HOXB2: variants seen among roughly 807,000 people sequenced by gnomAD.
The protein encoded by HOXB2 is homeobox B2.
A neutral mutation model predicts 13.1 loss-of-function variants in HOXB2; 14 were observed. The ratio of observed to expected loss-of-function variants is 1.07; its 90% CI spans 0.71 to 1.67. HOXB2 has a LOEUF of 1.67. Among genes scored for constraint, HOXB2 ranks in the 40% most tolerant of loss-of-function variants. The probability of loss-of-function intolerance (pLI) is 0.00; values close to 1 mark genes in which losing one functional copy is unlikely to be tolerated. For missense variants in HOXB2, 582 were observed against 488.3 expected, an observed-to-expected ratio of 1.19 and a Z score of -1.81; for synonymous variants, 261 against 233.1, an observed-to-expected ratio of 1.12 and a Z score of -1.09.
rs1555633388 is a variant in HOXB2 at position 48,544,973 on chromosome 17, A to AT, written c.-63_-62insA. On this transcript the variant is annotated 5_prime_UTR_variant, in exon 1 of 2. Coordinates refer to ENST00000330070, the MANE Select transcript of HOXB2 (RefSeq NM_002145.4). ...GCGTCAGGAGGGAGGATCGGAAGGG[A>AT]CCCCCCTCCTGCACCCCCCCCGATT... The AT allele has an allele frequency of 4.7e-6, 5 of 1,054,436 alleles. No individual in the cohort carries two copies. The highest frequency in any genetic ancestry group is 3.2e-4 in the Middle Eastern group (1 of 3,098). The allele number at this position is 1,054,436 out of a possible 1,614,324, so 65.3% of individuals were successfully genotyped here.
chr17:48,544,505 C>T lies in HOXB2; in HGVS notation c.391+16G>A. The T allele has an allele frequency of 1.3e-6, 2 of 1,591,538 alleles. No homozygotes were observed. Among genetic ancestry groups the T allele is most frequent in the Non-Finnish European group, 1.7e-6 (2 of 1,175,588 alleles). ...TTCTAGCTGCCCCTCACCCCACCCC[C>T]ACCACGCTTACCGACCTGCAGGCGA... On this transcript the variant is annotated intron_variant, in intron 1 of 1. Coordinates refer to ENST00000330070, the MANE Select transcript of HOXB2 (RefSeq NM_002145.4).
intron 1 of HOXB2, chr17:48,544,079 G>C: frequency 1.0e-6 from 1 of 985,254 alleles, no homozygotes; most frequent in Non-Finnish European, 1.2e-6. Flanking sequence ...AACTCAACCG[G>C]AGCGAGGGTC....
At position 48,544,795 on chromosome 17, in the gene HOXB2, C is replaced by T. The variant is rs2068551527; in HGVS notation, c.117G>A (p.Glu39=). Residue 39 remains glutamate (E), a synonymous_variant, in exon 1 of 2, where the codon GAG becomes GAA. Transcript: ENST00000330070. Reference sequence around the variant, plus strand: ...GAGGAGGAGGAGGAATTAATGTCGACTCCTTGATTGATGAAGTTTGAAATG... The same window carrying T: ...GAGGAGGAGGAGGAATTAATGTCGATTCCTTGATTGATGAAGTTTGAAATG... ...LETFQTSSIK[E]STLIPPPPPF... 6.2e-7 allele frequency: 1 copy of T among 1,614,010 alleles called. No homozygotes were observed. Among genetic ancestry groups the T allele is most frequent in the Non-Finnish European group, 8.5e-7 (1 of 1,180,036 alleles).
rs1181748064 is a variant in HOXB2 at position 48,544,666 on chromosome 17, C to A, written c.246G>T (p.Pro82=). The A allele has an allele frequency of 6.2e-7, 1 of 1,610,722 alleles. No homozygotes were observed. The highest frequency in any genetic ancestry group is 2.2e-5 in the East Asian group (1 of 44,794). Reference sequence around the variant, plus strand: ...GGGGGGCAGCGGGGAGTGGCGGCGGCGGTGGCGGCGGCAGAGCAGGCCCAT... The same window carrying A: ...GGGGGGCAGCGGGGAGTGGCGGCGGAGGTGGCGGCGGCAGAGCAGGCCCAT... ...AEDGPALPPP[P]PPPLPAAPPA... The change falls in exon 1 of 2, where the codon CCG becomes CCT. Residue 82 remains proline (P), a synonymous_variant. Coordinates refer to ENST00000330070, the MANE Select transcript of HOXB2 (RefSeq NM_002145.4).
In HOXB2 at chr17:48,543,109, A is replaced by G. The variant is rs752542417; in HGVS notation, c.1030T>C (p.Phe344Leu). Residue 344 changes from phenylalanine to leucine, a missense_variant, in exon 2 of 2, where the codon TTC becomes CTC. Coordinates refer to ENST00000330070, the MANE Select transcript of HOXB2 (RefSeq NM_002145.4). ...VPFSEEELDF[F>L]TSTLCAIDLQ... The stretch of plus-strand genomic sequence containing the variant: ...TCGATGGCACAGAGCGTACTGGTGA[A>G]AAAATCCAGCTCTTCCTCGGAAAAA... 2.8e-5 allele frequency: 45 copies of G among 1,612,782 alleles called. No homozygotes were observed. In the South Asian group the frequency reaches 4.9e-4, roughly 18 times the overall value.
At position 48,544,511 on chromosome 17, in the gene HOXB2, GC is replaced by G; in HGVS notation, c.391+9del. ...CTGCCCCTCACCCCACCCCCACCAC[GC>G]TTACCGACCTGCAGGCGATCCGACC... On this transcript the variant is annotated intron_variant, in intron 1 of 1. Coordinates refer to ENST00000330070, the MANE Select transcript of HOXB2 (RefSeq NM_002145.4). The G allele has an allele frequency of 6.3e-7, 1 of 1,595,336 alleles. No individual in the cohort carries two copies. Among genetic ancestry groups the G allele is most frequent in the African/African-American group, 1.3e-5 (1 of 74,776 alleles).
chr17:48,543,584 C>A lies in HOXB2; in HGVS notation c.555G>T (p.Arg185Ser). Residue 185 changes from arginine (R) to serine (S), a missense_variant, in exon 2 of 2, where the codon AGG (arginine) becomes AGT (serine). Transcript: ENST00000330070. The part of the protein sequence containing the change: ...EIAALLDLTE[R>S]QVKVWFQNRR... Reference sequence around the variant, plus strand: ...GGTTCTGAAACCAGACTTTGACCTGCCTTTCGGTGAGGTCCAGCAAGGCCG... The same window carrying A: ...GGTTCTGAAACCAGACTTTGACCTGACTTTCGGTGAGGTCCAGCAAGGCCG... 1 of 1,613,500 alleles carries A rather than the reference C, an allele frequency of 6.2e-7. No individual in the cohort carries two copies. The highest frequency in any genetic ancestry group is 8.5e-7 in the Non-Finnish European group (1 of 1,179,998).
In HOXB2 at chr17:48,544,741, C is replaced by G. The variant is rs1433651242; in HGVS notation, c.171G>C (p.Gln57His). The change falls in exon 1 of 2, where the codon CAG becomes CAC. Residue 57 changes from glutamine (Q) to histidine (H), a missense_variant. Transcript: ENST00000330070. ...PPFEQTFPSL[Q>H]PGASTLQRPR... ...GTCTCTGAAGGGTGGAGGCGCCGGG[C>G]TGGAGGCTGGGGAAGGTTTGCTCGA... 3.1e-6 allele frequency: 5 copies of G among 1,614,036 alleles called. No individual in the cohort carries two copies. The highest frequency in any genetic ancestry group is 4.2e-6 in the Non-Finnish European group (5 of 1,179,992).
rs1322198126 is a variant in HOXB2, at chr17:48,544,880, A to G, written c.32T>C (p.Phe11Ser). The stretch of plus-strand genomic sequence containing the variant: ...GGCGAGCGACGGCTGGCTGTTTATA[A>G]ACCCAATCTCCCTCTCAAATTCAAA... Reference protein sequence around the residue: MNFEFEREIGFINSQPSLAEC... With the variant: MNFEFEREIGSINSQPSLAEC... The change falls in exon 1 of 2, where the codon TTT becomes TCT. Residue 11 changes from phenylalanine (F) to serine (S), a missense_variant. Coordinates refer to ENST00000330070, the MANE Select transcript of HOXB2 (RefSeq NM_002145.4). 6.3e-7 allele frequency: 1 copy of G among 1,579,826 alleles called. No homozygotes were observed. The highest frequency in any genetic ancestry group is 8.6e-7 in the Non-Finnish European group (1 of 1,162,296).
chr17:48,543,149 G>A lies in HOXB2; in HGVS notation c.990C>T (p.Leu330=). The change falls in exon 2 of 2, where the codon CTC becomes CTT. Residue 330 remains leucine (L), a synonymous_variant. Transcript: ENST00000330070. The part of the protein sequence containing the change: ...GGLSPSLQGS[L]DSPVPFSEEE... The stretch of plus-strand genomic sequence containing the variant: ...CCTCGGAAAAAGGGACCGGGCTGTC[G>A]AGAGAACCCTGTAGGCTAGGGGAGA... The A allele has an allele frequency of 1.2e-6, 2 of 1,613,728 alleles. No homozygotes were observed. The highest frequency in any genetic ancestry group is 1.7e-6 in the Non-Finnish European group (2 of 1,179,920).
Position 48,543,336 on chromosome 17 carries a change from T to A in HOXB2, c.803A>T (p.Glu268Val). The A allele has an allele frequency of 1.3e-6, 2 of 1,599,022 alleles. No homozygotes were observed. The highest frequency in any genetic ancestry group is 1.7e-6 in the Non-Finnish European group (2 of 1,176,728). ...ADPRPLAVRL[E>V]GAGASSPGCA... The stretch of plus-strand genomic sequence containing the variant: ...GCCGGGACTCGACGCGCCTGCGCCC[T>A]CTAAGCGAACGGCTAAAGGCCGGGG... The change falls in exon 2 of 2, where the codon GAG becomes GTG. Residue 268 changes from glutamate (E) to valine (V), a missense_variant. Glu to Val is a moderately radical substitution (Grantham distance 121, BLOSUM62 -2). Coordinates refer to ENST00000330070, the MANE Select transcript of HOXB2 (RefSeq NM_002145.4).
Position 48,544,695 on chromosome 17 carries a change from C to T in HOXB2, c.217G>A (p.Glu73Lys), listed in dbSNP as rs552393707. ...LQRPRSQKRA[E>K]DGPALPPPPP... The stretch of plus-strand genomic sequence containing the variant: ...GGCGGCGGCAGAGCAGGCCCATCTT[C>T]GGCTCGCTTTTGGCTCCTGGGTCTC... Residue 73 changes from glutamate to lysine, a missense_variant, in exon 1 of 2, where the codon GAA becomes AAA. Physicochemically the swap from Glu to Lys is moderately conservative, Grantham distance 56 (BLOSUM62 1). Transcript: ENST00000330070. The T allele has an allele frequency of 2.5e-6, 4 of 1,613,666 alleles. No individual in the cohort carries two copies. Among genetic ancestry groups the T allele is most frequent in the Admixed American group, 1.7e-5 (1 of 60,016 alleles).
Position 48,543,301 on chromosome 17 carries a change from G to C in HOXB2, c.838C>G (p.Arg280Gly). 1 of 1,602,390 alleles carries C rather than the reference G, an allele frequency of 6.2e-7. No individual in the cohort carries two copies. Among genetic ancestry groups the C allele is most frequent in the African/African-American group, 1.3e-5 (1 of 74,592 alleles). ...CCGGGCTCCAGCCCGCCGGCCCCGC[G>C]CAGCGCGCAGCCGGGACTCGACGCG... ...AGASSPGCAL[R>G]GAGGLEPGPL... The change falls in exon 2 of 2, where the codon CGC (arginine) becomes GGC (glycine). Residue 280 changes from arginine (R) to glycine (G), a missense_variant. By Grantham distance (125) the Arg-to-Gly change is moderately radical. Coordinates refer to ENST00000330070, the MANE Select transcript of HOXB2 (RefSeq NM_002145.4).
rs1404981525 is a variant in HOXB2, at chr17:48,545,092, C to T, written c.-181G>A. The T allele has an allele frequency of 3.8e-6, 2 of 532,406 alleles. No individual in the cohort carries two copies. The highest frequency in any genetic ancestry group is 6.5e-6 in the Non-Finnish European group (2 of 309,086). The allele number at this position is 532,406 out of a possible 1,614,324, so 33.0% of individuals were successfully genotyped here. ...ATTGTATATTGCTGATAAATACAAGCGTATGGGGACTCTCTCTATTAAACC... is the reference window on the plus strand; with the variant it reads ...ATTGTATATTGCTGATAAATACAAGTGTATGGGGACTCTCTCTATTAAACC... On this transcript the variant is annotated 5_prime_UTR_variant, in exon 1 of 2. Transcript: ENST00000330070.
At position 48,544,682 on chromosome 17, in the gene HOXB2, GCAGGCC is replaced by G; in HGVS notation, c.224_229del (p.Gly75_Pro76del). 6.2e-7 allele frequency: 1 copy of G among 1,613,278 alleles called. No individual in the cohort carries two copies. Among genetic ancestry groups the G allele is most frequent in the Non-Finnish European group, 8.5e-7 (1 of 1,179,782 alleles). On this transcript the variant is annotated inframe_deletion, in exon 1 of 2. Transcript: ENST00000330070. ...TGGCGGCGGCGGTGGCGGCGGCAGA[GCAGGCC>G]CATCTTCGGCTCGCTTTTGGCTCCT...
rs1393996874 is a variant in HOXB2 at position 48,544,327 on chromosome 17, G to C, written c.391+194C>G. On this transcript the variant is annotated intron_variant, in intron 1 of 1. Transcript: ENST00000330070. ...AGCCATAGGGAGAGAAAGAGAGAGA[G>C]AGACAGAAAAAAAAAAAGACGCTGT... is the stretch of plus-strand genomic sequence containing the variant. 6 of 1,344,200 alleles carry C rather than the reference G, an allele frequency of 4.5e-6. No homozygotes were observed. In the East Asian group the frequency reaches 1.2e-4, roughly 26 times the overall value. 83.3% of individuals were successfully genotyped at this position (1,344,200 alleles called of 1,614,324 possible). A position where few individuals can be genotyped will look rare whatever the true frequency, so the allele number is the denominator to read the frequency against.
chr17:48,544,935 G>T lies in HOXB2; in HGVS notation c.-24C>A. ...ATGGCTTTCAATGGTGGGGGAGGGG[G>T]CTGCTGGGGGGGGCGTCAGGAGGGA... On this transcript the variant is annotated 5_prime_UTR_variant, in exon 1 of 2. Coordinates refer to ENST00000330070, the MANE Select transcript of HOXB2 (RefSeq NM_002145.4). 1 of 1,261,532 alleles carries T rather than the reference G, an allele frequency of 7.9e-7. No individual in the cohort carries two copies. Among genetic ancestry groups the T allele is most frequent in the Non-Finnish European group, 1.1e-6 (1 of 917,482 alleles). The allele number at this position is 1,261,532 out of a possible 1,614,324, so 78.1% of individuals were successfully genotyped here. A position where few individuals can be genotyped will look rare whatever the true frequency, so the allele number is the denominator to read the frequency against.
In HOXB2 at chr17:48,544,767, A is replaced by AAGG. The variant is rs754676667; in HGVS notation, c.142_144dup (p.Pro48dup). ...TGGAGGCTGGGGAAGGTTTGCTCGA[A>AAGG]AGGAGGAGGAGGAGGAATTAATGTC... On this transcript the variant is annotated inframe_insertion, in exon 1 of 2. Transcript: ENST00000330070. 17 of 1,613,644 alleles carry AAGG rather than the reference A, an allele frequency of 1.1e-5. No individual in the cohort carries two copies. Among genetic ancestry groups the AAGG allele is most frequent in the South Asian group, 3.3e-5 (3 of 91,076 alleles).
rs2144705148 is a variant in HOXB2 at position 48,543,732 on chromosome 17, G to A, written c.407C>T (p.Pro136Leu). The A allele has an allele frequency of 6.2e-7, 1 of 1,601,414 alleles. No individual in the cohort carries two copies. The highest frequency in any genetic ancestry group is 1.1e-5 in the South Asian group (1 of 89,858). Residue 136 changes from proline to leucine, a missense_variant, in exon 2 of 2, where the codon CCG becomes CTG. Transcript: ENST00000330070. ...VGSPADGLGL[P>L]EAGGGGARRL... ...GCGCGCCCCGCCGCCACCAGCCTCCGGCAGTCCCAGGCCATCTGCAGGGAA... is the reference window on the plus strand; with the variant it reads ...GCGCGCCCCGCCGCCACCAGCCTCCAGCAGTCCCAGGCCATCTGCAGGGAA...
Sources: allele counts gnomAD v4.1 joint callset, GRCh38; gene constraint gnomAD v4.1.1; transcripts MANE v1.5; gene names NCBI Gene and HGNC (gene_info 2026-07-23, HGNC 2026-07-21).